The following ABCC1 variants were observed in gnomAD, a reference collection of about 807,000 sequenced individuals.
The protein encoded by ABCC1 is ATP binding cassette subfamily C member 1 (ABCC1 blood group).
Under a neutral mutation model 172.9 loss-of-function variants are expected in ABCC1, and 83 were observed. The observed-to-expected ratio is 0.48, with a 90% CI of 0.40 to 0.58. ABCC1 has a LOEUF of 0.58. Ranked by LOEUF, ABCC1 falls within the 20% of genes least tolerant of loss-of-function variation. The probability of loss-of-function intolerance (pLI) is 0.00; values close to 1 mark genes in which losing one functional copy is unlikely to be tolerated. For missense variants in ABCC1, 1,817 were observed against 2,002.7 expected (o/e 0.91, Z 1.77); for synonymous variants, 937 against 825.2 (o/e 1.14, Z -2.32).
chr16:16,122,711 TAAAAAAAAA>T (rs34383577), intron 24 of ABCC1, among the ~76,000 whole-genome samples: 1 of 116,276 alleles, frequency 8.6e-6, no homozygotes, highest in Non-Finnish European at 1.7e-5. Context: ...CCATCTCTCT[TAAAAAAAAA>T]AAAAAAAAAA....
Position 16,010,875 on chromosome 16 carries a change from G to A in ABCC1, c.351+974G>A, listed in dbSNP as rs45471195. Among the ~76,000 whole-genome samples the A allele has an allele frequency of 7.2e-5, 11 of 152,258 alleles. No individual in the cohort carries two copies. The East Asian group carries it at 2.1e-3, about 29-fold the overall frequency. ...CCCAGATGCCATGCTTTTAGCCCCT[G>A]CAACCTGCAGCTTCTGAGCCCTGAA... On this transcript the variant is annotated intron_variant, in intron 3 of 30. Coordinates refer to ENST00000399410, the MANE Select transcript of ABCC1 (RefSeq NM_004996.4).
chr16:16,002,023 A>G (rs1597097132), intron 1 of ABCC1, among the ~76,000 whole-genome samples: 1 of 152,332 alleles, frequency 6.6e-6, no homozygotes, highest in African/African-American at 2.4e-5. Context: ...TGGCAGAGAA[A>G]GTGATCTTAT....
chr16:16,125,691 C>A (rs930893654), intron 25 of ABCC1, 119 bp from the exon 26 acceptor site: 2 of 697,800 alleles, frequency 2.9e-6, no homozygotes, highest in African/African-American at 1.8e-5. Context: ...CCTCAGCCTC[C>A]CATAATTCAT....
chr16:16,046,944 C>A (rs2049235761), intron 9 of ABCC1, among the ~76,000 whole-genome samples: 1 of 149,688 alleles, frequency 6.7e-6, no homozygotes, highest in Admixed American at 6.7e-5. Flanking sequence ...CCTGTAATCC[C>A]AGCAGCTTGG....
At position 15,955,947 on chromosome 16, in the gene ABCC1, C is replaced by G. The variant is rs147860696; in HGVS notation, c.48+6148C>G. On this transcript the variant is annotated intron_variant, in intron 1 of 30. Coordinates refer to ENST00000399410, the MANE Select transcript of ABCC1 (RefSeq NM_004996.4). ...TCAGGGGTTAGGAGTGCTGATGCCC[C>G]ATGTAGTTGAAAATTTAGGATGCAG... Among the ~76,000 whole-genome samples the G allele has an allele frequency of 7.9e-5, 12 of 152,238 alleles. No individual in the cohort carries two copies. The East Asian group carries it at 2.3e-3, about 29-fold the overall frequency.
chr16:16,025,005 CAAAA>C (rs1321075105), intron 5 of ABCC1, among the ~76,000 whole-genome samples: 1 of 151,418 alleles, frequency 6.6e-6, no homozygotes, highest in Non-Finnish European at 1.5e-5. Context: ...TCTCTTGAAA[CAAAA>C]AAACAAAGAA....
intron 23 of ABCC1, among the ~76,000 whole-genome samples, chr16:16,121,025 C>T (rs150691392): frequency 6.6e-6 from 1 of 152,268 alleles, no homozygotes; most frequent in Non-Finnish European, 1.5e-5. Flanking sequence ...ACAGAAACAG[C>T]TATTTCCTGT....
At chr16:16,087,972 A>G (rs1272948260) in intron 18 of ABCC1, among the ~76,000 whole-genome samples, 2 of 152,222 alleles carry the variant, frequency 1.3e-5, no homozygotes, top group Non-Finnish European at 2.9e-5. Flanking sequence ...GACCTCTTGT[A>G]ATCGTTCCCA....
chr16:15,988,756 C>T (rs2046795685), intron 1 of ABCC1, among the ~76,000 whole-genome samples: 1 of 152,212 alleles, frequency 6.6e-6, no homozygotes, highest in East Asian at 1.9e-4. Flanking sequence ...CTTTTTAGTG[C>T]TTAACAACAC....
intron 18 of ABCC1, 133 bp from the exon 19 acceptor site, chr16:16,090,272 A>C (rs535243088): frequency 2.3e-6 from 2 of 863,362 alleles, no homozygotes; most frequent in African/African-American, 1.7e-5. Context: ...TCGCGGGTGC[A>C]TGTCCCACCT....
Position 16,083,487 on chromosome 16 carries a change from T to G in ABCC1, c.2237T>G (p.Leu746Arg). The change falls in exon 17 of 31, where the codon CTC (leucine) becomes CGC (arginine). Residue 746 changes from leucine to arginine, a missense_variant. Around this residue, in one of 3 missense-constraint regions of ABCC1, gnomAD observed 1,412 missense variants for 1,600.3 expected, o/e 0.88. Transcript: ENST00000399410. The part of the protein sequence containing the change: ...YYRSVIQACA[L>R]LPDLEILPSG... ...AGGTCCGTGATACAGGCCTGTGCCCTCCTCCCAGACCTGGAAATCCTGCCC... is the reference window on the plus strand; with the variant it reads ...AGGTCCGTGATACAGGCCTGTGCCCGCCTCCCAGACCTGGAAATCCTGCCC... 6.2e-7 allele frequency: 1 copy of G among 1,613,788 alleles called. No homozygotes were observed. The highest frequency in any genetic ancestry group is 8.5e-7 in the Non-Finnish European group (1 of 1,179,978).
At chr16:16,038,719 T>G (rs932637839) in intron 7 of ABCC1, among the ~76,000 whole-genome samples, 1 of 152,140 alleles carries the variant, frequency 6.6e-6, no homozygotes, top group African/African-American at 2.4e-5. Context: ...TCATCTGGAT[T>G]CCTTCAGCCT....
At chr16:16,028,143 C>T (rs978528788) in intron 5 of ABCC1, among the ~76,000 whole-genome samples, 3 of 152,142 alleles carry the variant, frequency 2.0e-5, no homozygotes, top group African/African-American at 7.2e-5. Context: ...TGGCCGTTTC[C>T]AGAAACGGTT....
intron 29 of ABCC1, among the ~76,000 whole-genome samples, chr16:16,137,901 G>C (rs974163533): frequency 6.6e-6 from 1 of 151,490 alleles, no homozygotes; most frequent in South Asian, 2.1e-4. Context: ...GTCTCACTCT[G>C]TTGCCTAGGC....
At chr16:16,071,911 C>T (rs987293090) in intron 14 of ABCC1, among the ~76,000 whole-genome samples, 182 bp downstream of exon 14, 2 of 152,222 alleles carry the variant, frequency 1.3e-5, no homozygotes, top group Non-Finnish European at 2.9e-5. Context: ...GAAGCCTGGC[C>T]TCCTGGGCTT....
intron 14 of ABCC1, 31 bp from the exon 15 acceptor site, chr16:16,076,295 C>T: frequency 1.2e-6 from 2 of 1,608,128 alleles, no homozygotes; most frequent in African/African-American, 1.3e-5. Flanking sequence ...CACAGCTCAG[C>T]CTGTCCCTGA....
rs187197871 is a variant in ABCC1 at position 16,056,810 on chromosome 16, A to G, written c.1677+515A>G. ...CCTGTGTAGGAACCGTTCGTTATCT[A>G]TTTACTGTGATATAAGGAGCTTGTG... is the stretch of plus-strand genomic sequence containing the variant. On this transcript the variant is annotated intron_variant, in intron 12 of 30. Transcript: ENST00000399410. 1.9e-3 allele frequency among the ~76,000 whole-genome samples: 294 copies of G among 152,132 alleles called. 1 individual carries two copies. The highest frequency in any genetic ancestry group is 0.013 in the South Asian group (62 of 4,818).
intron 4 of ABCC1, among the ~76,000 whole-genome samples, chr16:16,016,024 G>A (rs1312735801): frequency 6.6e-6 from 1 of 152,126 alleles, no homozygotes; most frequent in Non-Finnish European, 1.5e-5. Context: ...TGAGCAGTGA[G>A]ACTACCCGTG....
intron 19 of ABCC1, among the ~76,000 whole-genome samples, chr16:16,102,359 G>A (rs775422140): frequency 1.3e-5 from 2 of 152,192 alleles, no homozygotes; most frequent in African/African-American, 2.4e-5. Flanking sequence ...CAGGATGCTG[G>A]CTCAGGCCCA....
Sources: allele counts gnomAD v4.1 joint callset (sites outside exome capture counted in the v4.1 genomes callset), GRCh38; gene constraint gnomAD v4.1.1; regional missense constraint gnomAD v4.1.1; transcripts MANE v1.5; gene names NCBI Gene and HGNC (gene_info 2026-07-23, HGNC 2026-07-21).